The following LRP2 variants were observed in gnomAD, a reference collection of about 807,000 sequenced individuals.
LRP2 encodes the protein low-density lipoprotein receptor-related protein 2.
Under a neutral mutation model 531.0 loss-of-function variants are expected in LRP2, and 172 were observed. That is an observed-to-expected ratio of 0.32 (90% CI 0.29 to 0.37). The LOEUF is 0.37. Ranked by LOEUF, LRP2 falls within the 10% of genes least tolerant of loss-of-function variation. The pLI is 1.00. For missense variants in LRP2, 5,167 were observed against 5,868.3 expected (o/e 0.88, Z 3.90); for synonymous variants, 1,992 against 2,027.6 (o/e 0.98, Z 0.47).
intron 14 of LRP2, 42 bp downstream of exon 14, chr2:169,274,994 A>G: frequency 6.3e-7 from 1 of 1,595,562 alleles, no homozygotes; most frequent in Non-Finnish European, 8.6e-7. Context: ...CCTTTCCACC[A>G]AGTCCGGTAC....
chr2:169,168,018 AATATATATAT>A (rs4001548), intron 61 of LRP2, among the ~76,000 whole-genome samples: 3,078 of 68,196 alleles, frequency 0.045, 355 homozygotes, highest in South Asian at 0.064. Flanking sequence ...CAGGGTTTAA[AATATATATAT>A]ATATATATAT....
At chr2:169,147,203 G>A (rs1016843037) in intron 68 of LRP2, among the ~76,000 whole-genome samples, 2 of 152,194 alleles carry the variant, frequency 1.3e-5, no homozygotes, top group African/African-American at 4.8e-5. Flanking sequence ...TGGATATTCA[G>A]ACCCTTTAAA....
intron 33 of LRP2, among the ~76,000 whole-genome samples, chr2:169,222,964 C>T (rs6719440): frequency 0.5 from 76,126 of 152,012 alleles, 20,313 homozygotes; most frequent in African/African-American, 0.69. Flanking sequence ...TTATATTCAC[C>T]GGCCTTATCA....
rs779652105 is a variant in LRP2, at chr2:169,277,775, A to G, written c.1742T>C (p.Ile581Thr). 35 of 1,614,012 alleles carry G rather than the reference A, an allele frequency of 2.2e-5. No homozygotes were observed. Among genetic ancestry groups the G allele is most frequent in the South Asian group, 4.4e-5 (4 of 91,086 alleles). The change falls in exon 13 of 79, where the codon ATT becomes ACT. Residue 581 changes from isoleucine (I) to threonine (T), a missense_variant. Transcript: ENST00000649046. Reference sequence around the variant, plus strand: ...AATTCCATCATAAGTTACAGTTTCAATGTAATCAAACCGAGAGTCAACCCA... The same window carrying G: ...AATTCCATCATAAGTTACAGTTTCAGTGTAATCAAACCGAGAGTCAACCCA... ...VYWVDSRFDY[I>T]ETVTYDGIQR...
In LRP2 at chr2:169,199,979, A is replaced by G. The variant is rs185330314; in HGVS notation, c.8453-1068T>C. Among the ~76,000 whole-genome samples the G allele has an allele frequency of 3.1e-3, 466 of 152,288 alleles. 2 individuals are homozygous for G. The highest frequency in any genetic ancestry group is 8.4e-3 in the African/African-American group (349 of 41,576). On this transcript the variant is annotated intron_variant, in intron 44 of 78. Transcript: ENST00000649046. ...ATAAAAATTTTTTCTGGCCGGGTGC[A>G]GTGGCTCACGCCTGTAATCCCAGCA...
At chr2:169,146,571 T>A (rs938293385) in intron 69 of LRP2, among the ~76,000 whole-genome samples, 168 bp downstream of exon 69, 52 of 152,164 alleles carry the variant, frequency 3.4e-4, no homozygotes, top group African/African-American at 1.3e-3. Flanking sequence ...AATGAACTCA[T>A]CTGCATTTAA....
chr2:169,238,226 A>G lies in LRP2; in HGVS notation c.4371T>C (p.Asn1457=), dbSNP rs1350786361. ...IADSVTSQVH[N]IYSLVENGSY... ...AACCATTCTCGACCAATGAATAGAT[A>G]TTGTGGACCTGGGAGGTGACACTGT... Residue 1457 remains asparagine, a synonymous_variant, in exon 27 of 79, where the codon AAT becomes AAC. Transcript: ENST00000649046. The G allele has an allele frequency of 6.2e-7, 1 of 1,614,164 alleles. No homozygotes were observed. The highest frequency in any genetic ancestry group is 1.7e-5 in the Admixed American group (1 of 60,030).
At chr2:169,190,928 T>C (rs926326781) in intron 48 of LRP2, among the ~76,000 whole-genome samples, 11 of 152,160 alleles carry the variant, frequency 7.2e-5, no homozygotes, top group African/African-American at 2.4e-4. Context: ...TGATGAGAAG[T>C]TGGGATGTTA....
rs780582417 is a variant in LRP2, at chr2:169,186,064, C to A, written c.9329-45G>T. 6 of 1,549,744 alleles carry A rather than the reference C, an allele frequency of 3.9e-6. No individual in the cohort carries two copies. In the East Asian group the frequency reaches 1.1e-4, roughly 29 times the overall value. On this transcript the variant is annotated intron_variant, in intron 49 of 78. Coordinates refer to ENST00000649046, the MANE Select transcript of LRP2 (RefSeq NM_004525.3). ...CTTAGAGATCCTAAAATATCAACGACCAACTCACTATAATGGTTCAAAGTC... is the reference window on the plus strand; with the variant it reads ...CTTAGAGATCCTAAAATATCAACGAACAACTCACTATAATGGTTCAAAGTC...
chr2:169,146,117 G>C (rs1685900759), intron 69 of LRP2, among the ~76,000 whole-genome samples, 194 bp from the exon 70 acceptor site: 1 of 152,162 alleles, frequency 6.6e-6, no homozygotes, highest in South Asian at 2.1e-4. Flanking sequence ...AGGAGGTCAA[G>C]AAGATAGAAA....
chr2:169,259,252 G>T, intron 16 of LRP2, 35 bp from the exon 17 acceptor site: 2 of 1,473,462 alleles, frequency 1.4e-6, no homozygotes, highest in Non-Finnish European at 1.9e-6. Context: ...TTTAAGCTAA[G>T]TATATTTTGT....
intron 29 of LRP2, 104 bp downstream of exon 29, chr2:169,235,736 T>C (rs1369709549): frequency 3.5e-6 from 3 of 852,682 alleles, no homozygotes; most frequent in Non-Finnish European, 5.8e-6. Context: ...GATCTGACAA[T>C]GTCTATGACA....
At chr2:169,227,514 AC>A (rs1466452782) in intron 31 of LRP2, among the ~76,000 whole-genome samples, 1 of 152,190 alleles carries the variant, frequency 6.6e-6, no homozygotes, top group African/African-American at 2.4e-5. Flanking sequence ...GAAAAGGAAA[AC>A]TTTTGAATCT....
Position 169,209,477 on chromosome 2 carries a change from C to A in LRP2, c.6445G>T (p.Gly2149Cys). 6.2e-7 allele frequency: 1 copy of A among 1,613,990 alleles called. No homozygotes were observed. Among genetic ancestry groups the A allele is most frequent in the Non-Finnish European group, 8.5e-7 (1 of 1,179,956 alleles). ...THGIGENGVR[G>C]IAVDWVAGNL... ...CCTGCTACCCAATCCACTGCAATAC[C>A]CCGGACTCCATTTTCTCCTATTCCA... The change falls in exon 38 of 79, where the codon GGT (glycine) becomes TGT (cysteine). Residue 2149 changes from glycine to cysteine, a missense_variant. Physicochemically the swap from Gly to Cys is radical, Grantham distance 159. Coordinates refer to ENST00000649046, the MANE Select transcript of LRP2 (RefSeq NM_004525.3).
At chr2:169,235,634 C>A (rs1480985882) in intron 29 of LRP2, among the ~76,000 whole-genome samples, 4 of 152,200 alleles carry the variant, frequency 2.6e-5, no homozygotes, top group African/African-American at 4.8e-5. Context: ...GGATATGGCA[C>A]AAGCTGACCA....
chr2:169,229,139 A>G (rs1689308727), intron 31 of LRP2, among the ~76,000 whole-genome samples: 1 of 152,156 alleles, frequency 6.6e-6, no homozygotes, highest in African/African-American at 2.4e-5. Context: ...CAATTATGAC[A>G]ATGGCATGAA....
At chr2:169,239,462 T>A (rs1279407894) in intron 26 of LRP2, 65 bp downstream of exon 26, 1 of 1,612,954 alleles carries the variant, frequency 6.2e-7, no homozygotes, top group Non-Finnish European at 8.5e-7. Flanking sequence ...AATACCTACA[T>A]GTGCCATTTG....
chr2:169,240,944 T>C (rs1232762761), intron 25 of LRP2, 44 bp downstream of exon 25: 4 of 1,603,510 alleles, frequency 2.5e-6, no homozygotes, highest in Non-Finnish European at 3.4e-6. Flanking sequence ...AGGCTACTGT[T>C]CAGAATGAGT....
intron 11 of LRP2, 93 bp downstream of exon 11, chr2:169,280,257 C>G: frequency 1.4e-6 from 2 of 1,425,466 alleles, no homozygotes; most frequent in Non-Finnish European, 2.0e-6. Context: ...TGTTAGAAAA[C>G]AAAGGAACTT....
Sources: allele counts gnomAD v4.1 joint callset (sites outside exome capture counted in the v4.1 genomes callset), GRCh38; gene constraint gnomAD v4.1.1; transcripts MANE v1.5; gene names NCBI Gene and HGNC (gene_info 2026-07-23, HGNC 2026-07-21).